Variants in GRIK2 observed in about 807,000 individuals in gnomAD.
The protein encoded by GRIK2 is glutamate receptor ionotropic, kainate 2.
In GRIK2, 32 loss-of-function variants were observed where a neutral mutation model predicts 100.3. The ratio of observed to expected loss-of-function variants is 0.32; its 90% CI spans 0.24 to 0.43. The LOEUF (loss-of-function observed/expected upper bound fraction) is 0.43, where lower values mean the gene tolerates loss of function less well. Ranked by LOEUF, GRIK2 falls within the 20% of genes least tolerant of loss-of-function variation. The pLI is 1.00. For missense variants in GRIK2, 843 were observed against 1,114.9 expected, an observed-to-expected ratio of 0.76 and a Z score of 3.47; for synonymous variants, 417 against 389.4, an observed-to-expected ratio of 1.07 and a Z score of -0.83.
At chr6:101,541,815 T>G (rs1776012595) in intron 2 of GRIK2, among the ~76,000 whole-genome samples, 1 of 152,000 alleles carries the variant, frequency 6.6e-6, no homozygotes, top group South Asian at 2.1e-4. Flanking sequence ...AGATGCAAAC[T>G]TCATCTTTTT....
intron 4 of GRIK2, among the ~76,000 whole-genome samples, chr6:101,668,728 T>G (rs1293503923): frequency 6.6e-6 from 1 of 152,178 alleles, no homozygotes; most frequent in East Asian, 1.9e-4. Flanking sequence ...CACTAGTTTG[T>G]GTAGCTGCCA....
chr6:101,964,221 G>A (rs1453943316), intron 14 of GRIK2, among the ~76,000 whole-genome samples: 1 of 151,088 alleles, frequency 6.6e-6, no homozygotes, highest in Non-Finnish European at 1.5e-5. Flanking sequence ...ATAGATACAT[G>A]ATATATAATA....
intron 4 of GRIK2, among the ~76,000 whole-genome samples, chr6:101,630,107 A>G (rs996688325): frequency 6.6e-6 from 1 of 151,930 alleles, no homozygotes; most frequent in African/African-American, 2.4e-5. Flanking sequence ...TCTTTATTCA[A>G]TCCACAATTG....
intron 14 of GRIK2, among the ~76,000 whole-genome samples, chr6:101,962,274 A>T (rs1562068794): frequency 6.6e-6 from 1 of 152,096 alleles, no homozygotes; most frequent in Non-Finnish European, 1.5e-5. Flanking sequence ...GTGATTACTA[A>T]CTGGCAACTC....
chr6:101,765,368 G>T (rs142411615), intron 7 of GRIK2, among the ~76,000 whole-genome samples: 1 of 152,050 alleles, frequency 6.6e-6, no homozygotes, highest in African/African-American at 2.4e-5. Context: ...TACTGAATGC[G>T]TGTGTGCTTT....
At chr6:101,612,716 ATGTGTGTGTGTGTGTGTGTG>A (rs139709674) in intron 2 of GRIK2, among the ~76,000 whole-genome samples, 1 of 143,326 alleles carries the variant, frequency 7.0e-6, no homozygotes, top group Non-Finnish European at 1.5e-5. Context: ...GTATGTGTTA[ATGTGTGTGTGTGTGTGTGTG>A]TGTGTGTGTG....
chr6:101,531,322 T>A (rs1775432112), intron 2 of GRIK2, among the ~76,000 whole-genome samples: 1 of 151,968 alleles, frequency 6.6e-6, no homozygotes, highest in African/African-American at 2.4e-5. Flanking sequence ...AAGGACCAGG[T>A]CTCATCGTAT....
intron 2 of GRIK2, among the ~76,000 whole-genome samples, chr6:101,467,963 G>A (rs764005406): frequency 1.3e-5 from 2 of 150,392 alleles, no homozygotes; most frequent in African/African-American, 4.9e-5. Flanking sequence ...GGATGTAGGA[G>A]TGTCTCTCAG....
chr6:101,687,869 A>G (rs1771811263), intron 7 of GRIK2, among the ~76,000 whole-genome samples: 2 of 151,678 alleles, frequency 1.3e-5, no homozygotes, highest in South Asian at 4.2e-4. Flanking sequence ...TAAAAATTAA[A>G]ATATTTTCCT....
At chr6:101,690,901 A>G (rs1328969499) in intron 7 of GRIK2, among the ~76,000 whole-genome samples, 1 of 152,100 alleles carries the variant, frequency 6.6e-6, no homozygotes, top group Non-Finnish European at 1.5e-5. Context: ...CAGATATTTT[A>G]TATGTGTGGT....
At chr6:101,618,895 T>A (rs1171271275) in intron 2 of GRIK2, among the ~76,000 whole-genome samples, 1 of 151,062 alleles carries the variant, frequency 6.6e-6, no homozygotes, top group Non-Finnish European at 1.5e-5. Context: ...TATATAAAAT[T>A]TACTGTTCAT....
At chr6:101,434,059 A>G (rs1469417601) in intron 2 of GRIK2, among the ~76,000 whole-genome samples, 1 of 152,244 alleles carries the variant, frequency 6.6e-6, no homozygotes. Flanking sequence ...TGTGACTTAA[A>G]GGTCACCCTT....
chr6:101,813,147 A>C (rs1583197225), intron 9 of GRIK2, among the ~76,000 whole-genome samples: 1 of 149,254 alleles, frequency 6.7e-6, no homozygotes, highest in East Asian at 1.9e-4. Context: ...ACATATACAC[A>C]CACACACACA....
At chr6:101,783,147 T>C (rs111537502) in intron 7 of GRIK2, among the ~76,000 whole-genome samples, 211 of 152,216 alleles carry the variant, frequency 1.4e-3, no homozygotes, top group African/African-American at 4.6e-3. Flanking sequence ...CGTGAGGCAG[T>C]GCACCCGGCC....
At chr6:101,793,312 C>T (rs111502132) in intron 7 of GRIK2, among the ~76,000 whole-genome samples, 3,895 of 151,722 alleles carry the variant, frequency 0.026, 173 homozygotes, top group African/African-American at 0.089. Flanking sequence ...AGTTTTTCTG[C>T]TCTGTTTTTT....
intron 2 of GRIK2, among the ~76,000 whole-genome samples, chr6:101,596,270 G>T (rs1778925721): frequency 6.7e-6 from 1 of 149,048 alleles, no homozygotes; most frequent in Non-Finnish European, 1.5e-5. Context: ...TGAATGAATG[G>T]TGTCACGCAG....
At chr6:101,457,220 T>A (rs1298453049) in intron 2 of GRIK2, among the ~76,000 whole-genome samples, 1 of 152,174 alleles carries the variant, frequency 6.6e-6, no homozygotes, top group Admixed American at 6.5e-5. Context: ...GTGTACATAA[T>A]TTTAATATCA....
chr6:101,771,687 C>T (rs1176934318), intron 7 of GRIK2, among the ~76,000 whole-genome samples: 7 of 116,762 alleles, frequency 6.0e-5, no homozygotes, highest in Non-Finnish European at 1.0e-4. Flanking sequence ...CCCCCCTCCC[C>T]CCACCCCACA....
intron 5 of GRIK2, among the ~76,000 whole-genome samples, chr6:101,682,289 C>T (rs1317610879): frequency 6.6e-6 from 1 of 152,156 alleles, no homozygotes; most frequent in African/African-American, 2.4e-5. Context: ...AATTTAATGC[C>T]TTCTTTAATG....
Sources: gnomAD v4.1 joint callset for allele counts (sites outside exome capture counted in the v4.1 genomes callset) on GRCh38, gnomAD v4.1.1 for gene constraint, MANE v1.5 for transcripts, NCBI Gene and HGNC (gene_info 2026-07-23, HGNC 2026-07-21) for gene names.